ANK3: variants seen among roughly 807,000 people sequenced by gnomAD.
ANK3 encodes ankyrin 3.
ANK3 carries 57 observed loss-of-function variants against 370.9 expected under a neutral mutation model. That is an observed-to-expected ratio of 0.15 (90% CI 0.12 to 0.19). The LOEUF is 0.19. ANK3 is among the 10% of genes least tolerant of loss of function. The pLI is 1.00. For synonymous variants in ANK3, 1,929 were observed against 1,946.3 expected (o/e 0.99, Z 0.23); for missense variants, 4,439 against 5,302.1 (o/e 0.84, Z 5.06).
At chr10:60,366,783 G>A (rs1037762292) in intron 1 of ANK3, among the ~76,000 whole-genome samples, 1 of 152,068 alleles carries the variant, frequency 6.6e-6, no homozygotes, top group East Asian at 1.9e-4. Context: ...GATCAAATGT[G>A]ATAATGTACA....
intron 1 of ANK3, among the ~76,000 whole-genome samples, chr10:60,362,585 C>A (rs1323361027): frequency 2.0e-5 from 3 of 152,132 alleles, no homozygotes; most frequent in African/African-American, 7.2e-5. Context: ...TTAATGAATA[C>A]GATTGAGTGG....
chr10:60,588,289 ATTC>A (rs2077861837), intron 2 of ANK3, among the ~76,000 whole-genome samples: 1 of 147,488 alleles, frequency 6.8e-6, no homozygotes, highest in African/African-American at 2.5e-5. Flanking sequence ...GGTTCAAGCA[ATTC>A]TTCTGCCCCA....
At chr10:60,405,465 A>T (rs1404256592) in intron 2 of ANK3, among the ~76,000 whole-genome samples, 16 of 152,204 alleles carry the variant, frequency 1.1e-4, no homozygotes, top group Non-Finnish European at 2.2e-4. Context: ...GAAAAAAATC[A>T]GAACAGAGGT....
chr10:60,036,422 A>ATTTTTTTTTTTTTTTTTTTTTTTTTTT lies in ANK3; in HGVS notation c.*19+6223_*19+6249dup, dbSNP rs563946588. Among the ~76,000 whole-genome samples, 3 of 72,292 alleles carry ATTTTTTTTTTTTTTTTTTTTTTTTTTT rather than the reference A, an allele frequency of 4.1e-5. 1 individual carries two copies. Among genetic ancestry groups the ATTTTTTTTTTTTTTTTTTTTTTTTTTT allele is most frequent in the African/African-American group, 2.1e-4 (3 of 14,242 alleles). 47.4% of individuals were successfully genotyped at this position (72,292 alleles called of 152,430 possible). ...CTGCGGAAGAGAGAGGTCAGAGGCAATTTTTTTTTTTTTTTTTTTTTTTTT... is the reference window on the plus strand; with the variant it reads ...CTGCGGAAGAGAGAGGTCAGAGGCAATTTTTTTTTTTTTTTTTTTTTTTTTTTTTTTTTTTTTTTTTTTTTTTTTTTT... On this transcript the variant is annotated intron_variant, in intron 43 of 43. Transcript: ENST00000280772.
chr10:60,243,576 T>C (rs931214674), intron 7 of ANK3, among the ~76,000 whole-genome samples: 13 of 152,148 alleles, frequency 8.5e-5, no homozygotes, highest in Non-Finnish European at 1.9e-4. Context: ...GGTATTCTGT[T>C]ATAGCAACAA....
chr10:60,317,919 C>T (rs1335324409), intron 1 of ANK3, among the ~76,000 whole-genome samples: 2 of 151,640 alleles, frequency 1.3e-5, no homozygotes, highest in Non-Finnish European at 2.9e-5. Flanking sequence ...GGTTTCACTG[C>T]GTTAGCCAGG....
intron 1 of ANK3, among the ~76,000 whole-genome samples, chr10:60,321,330 C>T (rs1164455626): frequency 6.7e-6 from 1 of 150,272 alleles, no homozygotes; most frequent in African/African-American, 2.5e-5. Flanking sequence ...CAAGGCTACA[C>T]AGAGACATGC....
At position 60,453,329 on chromosome 10, in the gene ANK3, T is replaced by G. The variant is rs80033544; in HGVS notation, c.96+161857A>C. Among the ~76,000 whole-genome samples the G allele has an allele frequency of 8.3e-3, 1,260 of 152,348 alleles. 19 individuals carry two copies. The highest frequency in any genetic ancestry group is 0.029 in the African/African-American group (1,189 of 41,582). ...CTTTCACCACTCTGCACAGATGCTT[T>G]CTGGAGAAGAAAATTCTATGACCTA... is the stretch of plus-strand genomic sequence containing the variant. On this transcript the variant is annotated intron_variant, in intron 2 of 43. Coordinates refer to the ANK3 transcript ENST00000373827.
chr10:60,517,430 G>T (rs529984604), intron 2 of ANK3, among the ~76,000 whole-genome samples: 3 of 151,896 alleles, frequency 2.0e-5, no homozygotes, highest in Admixed American at 2.0e-4. Flanking sequence ...CCCATCTATG[G>T]CCATACCATC....
chr10:60,155,390 C>A (rs529042008), intron 23 of ANK3, among the ~76,000 whole-genome samples: 1 of 152,170 alleles, frequency 6.6e-6, no homozygotes, highest in African/African-American at 2.4e-5. Flanking sequence ...CAGTGCTGGG[C>A]CAGAGGGGAA....
At position 60,186,045 on chromosome 10, in the gene ANK3, G is replaced by A. The variant is rs115333022; in HGVS notation, c.2085+670C>T. Among the ~76,000 whole-genome samples, 573 of 152,182 alleles carry A rather than the reference G, an allele frequency of 3.8e-3. 5 individuals are homozygous for A. The highest frequency in any genetic ancestry group is 0.017 in the Middle Eastern group (5 of 294). On this transcript the variant is annotated intron_variant, in intron 17 of 43. Transcript: ENST00000280772. Reference sequence around the variant, plus strand: ...AAATTTGTTATTAAAATGAACTCACGAAGGCAGCAATGTTTCCCATTTCTC... The same window carrying A: ...AAATTTGTTATTAAAATGAACTCACAAAGGCAGCAATGTTTCCCATTTCTC...
rs1481181095 is a variant in ANK3, at chr10:60,353,153, G to GTTTTTTTTTTTT, written c.114+36271_114+36272insAAAAAAAAAAAA. 2.2e-5 allele frequency among the ~76,000 whole-genome samples: 3 copies of GTTTTTTTTTTTT among 135,836 alleles called. 1 individual carries two copies. The highest frequency in any genetic ancestry group is 4.9e-4 in the South Asian group (2 of 4,054). The allele number at this position is 135,836 out of a possible 152,430, so 89.1% of individuals were successfully genotyped here. Reference sequence around the variant, plus strand: ...GCACCATCACACCTGGCTAATTTTTGTTTTGTTTTTTTTTTTTTTTTTAGA... The same window carrying GTTTTTTTTTTTT: ...GCACCATCACACCTGGCTAATTTTTGTTTTTTTTTTTTTTTTGTTTTTTTTTTTTTTTTTAGA... On this transcript the variant is annotated intron_variant, in intron 1 of 43. Coordinates refer to ENST00000280772, the MANE Select transcript of ANK3 (RefSeq NM_020987.5).
intron 2 of ANK3, among the ~76,000 whole-genome samples, chr10:60,502,483 C>T (rs1312863243): frequency 3.3e-5 from 5 of 152,152 alleles, no homozygotes; most frequent in Non-Finnish European, 7.3e-5. Flanking sequence ...AGCTCAATGA[C>T]GTATCTATGT....
intron 1 of ANK3, among the ~76,000 whole-genome samples, chr10:60,307,723 A>G (rs1403635654): frequency 6.6e-6 from 1 of 151,946 alleles, no homozygotes; most frequent in African/African-American, 2.4e-5. Flanking sequence ...AATGGTAGAA[A>G]CCACACATGC....
Position 60,468,189 on chromosome 10 carries a change from G to A in ANK3, c.96+146997C>T, listed in dbSNP as rs144055864. On this transcript the variant is annotated intron_variant, in intron 2 of 43. Transcript: ENST00000373827. ...AGTAGTGATGGGGTTTCTCCATATT[G>A]GTCAGGCTGGTCTCGAACTTCTGAC... is the stretch of plus-strand genomic sequence containing the variant. Among the ~76,000 whole-genome samples the A allele has an allele frequency of 7.2e-3, 1,095 of 151,982 alleles. 15 individuals carry two copies. The highest frequency in any genetic ancestry group is 0.025 in the African/African-American group (1,043 of 41,450).
intron 2 of ANK3, among the ~76,000 whole-genome samples, chr10:60,397,510 G>A (rs992976321): frequency 6.6e-6 from 1 of 152,126 alleles, no homozygotes; most frequent in African/African-American, 2.4e-5. Flanking sequence ...ACATCACAGA[G>A]AACAAAAACA....
At chr10:60,604,139 G>C (rs1211267612) in intron 2 of ANK3, among the ~76,000 whole-genome samples, 1 of 152,116 alleles carries the variant, frequency 6.6e-6, no homozygotes, top group Non-Finnish European at 1.5e-5. Context: ...AGAGGACAAA[G>C]GCACGGTAGG....
chr10:60,640,342 G>C (rs111522625), intron 1 of ANK3, among the ~76,000 whole-genome samples: 6,441 of 147,958 alleles, frequency 0.044, 211 homozygotes, highest in Middle Eastern at 0.082. Flanking sequence ...CCAAAAAAGA[G>C]AATTTTAGAC....
At chr10:60,223,193 T>C (rs143281551) in intron 8 of ANK3, among the ~76,000 whole-genome samples, 1 of 152,354 alleles carries the variant, frequency 6.6e-6, no homozygotes, top group African/African-American at 2.4e-5. Flanking sequence ...CTGCCACTCT[T>C]ATCAATCTGA....
Sources: allele counts gnomAD v4.1 joint callset (sites outside exome capture counted in the v4.1 genomes callset), GRCh38; gene constraint gnomAD v4.1.1; transcripts MANE v1.5; gene names NCBI Gene and HGNC (gene_info 2026-07-23, HGNC 2026-07-21).